The following RBMS3 variants were observed in gnomAD, a reference collection of about 807,000 sequenced individuals.
RBMS3 encodes the protein RNA binding motif single stranded interacting protein 3, also known as RNA-binding motif, single-stranded-interacting protein 3.
Under a neutral mutation model 66.8 loss-of-function variants are expected in RBMS3, and 27 were observed. The observed-to-expected ratio is 0.40, with a 90% confidence interval of 0.30 to 0.56. RBMS3 has a LOEUF of 0.56. Among genes scored for constraint, RBMS3 ranks in the 20% least tolerant of loss-of-function variants. The pLI is 0.40. For synonymous variants in RBMS3, 188 were observed against 183.0 expected (o/e 1.03, Z -0.22); for missense variants, 513 against 549.5 (o/e 0.93, Z 0.66).
intron 6 of RBMS3, among the ~76,000 whole-genome samples, chr3:29,798,315 G>A (rs1268773782): frequency 3.1e-5 from 3 of 95,554 alleles, no homozygotes; most frequent in African/African-American, 1.3e-4. Flanking sequence ...GGAAGGGAGG[G>A]GAAGGGAAGG....
chr3:29,737,831 AGTGTGTGTGTGTGT>A lies in RBMS3; in HGVS notation c.400-1864_400-1851del, dbSNP rs3070725. Among the ~76,000 whole-genome samples the A allele has an allele frequency of 2.4e-3, 346 of 145,854 alleles. 1 individual carries two copies. The highest frequency in any genetic ancestry group is 3.5e-3 in the Middle Eastern group (1 of 288). ...TTGATGATGGTGGTGGTGATAGTGGAGTGTGTGTGTGTGTGTGTGTGTGTGTGTGTGTGTGTGTT... is the reference window on the plus strand; with the variant it reads ...TTGATGATGGTGGTGGTGATAGTGGAGTGTGTGTGTGTGTGTGTGTGTGTT... On this transcript the variant is annotated intron_variant, in intron 4 of 14. Coordinates refer to ENST00000383767, the MANE Select transcript of RBMS3 (RefSeq NM_001003793.3).
chr3:29,459,340 A>C (rs1028495352), intron 2 of RBMS3, among the ~76,000 whole-genome samples: 1 of 152,228 alleles, frequency 6.6e-6, no homozygotes, highest in African/African-American at 2.4e-5. Context: ...CTCATCATGT[A>C]GAGCTTGACT....
At chr3:29,720,616 A>AT (rs1474728973) in intron 4 of RBMS3, among the ~76,000 whole-genome samples, 3 of 151,638 alleles carry the variant, frequency 2.0e-5, no homozygotes, top group South Asian at 2.1e-4. Flanking sequence ...AATCTCTGGC[A>AT]TTTTTTTGTT....
At chr3:29,446,948 C>G (rs1415724533) in intron 2 of RBMS3, among the ~76,000 whole-genome samples, 2 of 111,026 alleles carry the variant, frequency 1.8e-5, no homozygotes, top group Non-Finnish European at 3.4e-5. Flanking sequence ...GAGTATCACT[C>G]TTGTTGCCCA....
chr3:29,838,856 AT>A (rs2058594563), intron 6 of RBMS3, among the ~76,000 whole-genome samples: 2 of 152,164 alleles, frequency 1.3e-5, no homozygotes, highest in South Asian at 4.1e-4. Flanking sequence ...AAACAGGTTG[AT>A]AAATTCTGTG....
Position 29,988,211 on chromosome 3 carries a change from T to A in RBMS3, c.1167T>A (p.Ala389=), listed in dbSNP as rs755049670. The change falls in exon 13 of 15, where the codon GCT becomes GCA. Residue 389 remains alanine (A), a synonymous_variant. Coordinates refer to ENST00000383767, the MANE Select transcript of RBMS3 (RefSeq NM_001003793.3). The part of the protein sequence containing the change: ...IPQYTPVPPT[A]VSIEGVVADT... ...AGTACACGCCTGTGCCTCCGACAGC[T>A]GTTTCTATTGAAGTAAGTCTACCCC... is the stretch of plus-strand genomic sequence containing the variant. The A allele has an allele frequency of 5.0e-6, 8 of 1,609,664 alleles. No homozygotes were observed. The highest frequency in any genetic ancestry group is 1.7e-5 in the Admixed American group (1 of 59,990).
chr3:29,531,625 G>A (rs927423988), intron 3 of RBMS3, among the ~76,000 whole-genome samples: 4 of 152,170 alleles, frequency 2.6e-5, no homozygotes, highest in East Asian at 3.9e-4. Context: ...TGTTTGCGGC[G>A]TCTGATGTTT....
chr3:29,688,463 G>C (rs2051830539), intron 4 of RBMS3, among the ~76,000 whole-genome samples: 1 of 151,640 alleles, frequency 6.6e-6, no homozygotes, highest in African/African-American at 2.4e-5. Flanking sequence ...TTCTGGAAGA[G>C]GGTAGATCCC....
chr3:29,863,295 C>T (rs2059264548), intron 6 of RBMS3, among the ~76,000 whole-genome samples: 1 of 150,740 alleles, frequency 6.6e-6, no homozygotes, highest in African/African-American at 2.5e-5. Context: ...TGCAGCACAC[C>T]AACATGGCAC....
At chr3:29,505,865 T>C (rs2044164022) in intron 3 of RBMS3, among the ~76,000 whole-genome samples, 1 of 151,818 alleles carries the variant, frequency 6.6e-6, no homozygotes. Context: ...AAAAATTGCA[T>C]TTTTGGCTAT....
At chr3:29,543,515 C>A (rs1259156696) in intron 3 of RBMS3, among the ~76,000 whole-genome samples, 2 of 152,074 alleles carry the variant, frequency 1.3e-5, no homozygotes, top group Admixed American at 6.5e-5. Flanking sequence ...TCCAGACCAG[C>A]CTGGGCAACA....
intron 6 of RBMS3, among the ~76,000 whole-genome samples, chr3:29,861,557 C>G (rs1182364306): frequency 6.6e-6 from 1 of 152,172 alleles, no homozygotes; most frequent in East Asian, 1.9e-4. Flanking sequence ...ATGTCAATAT[C>G]TTCTCATCAA....
chr3:29,648,641 G>A (rs1260996761), intron 4 of RBMS3, among the ~76,000 whole-genome samples: 1 of 151,942 alleles, frequency 6.6e-6, no homozygotes, highest in Non-Finnish European at 1.5e-5. Flanking sequence ...AGGAAAGCAA[G>A]GAGATTCTTG....
At chr3:29,748,801 C>A (rs2149362472) in intron 5 of RBMS3, among the ~76,000 whole-genome samples, 1 of 152,326 alleles carries the variant, frequency 6.6e-6, no homozygotes. Flanking sequence ...AGCATTTTGA[C>A]TCCTTAGTCC....
intron 2 of RBMS3, among the ~76,000 whole-genome samples, chr3:29,436,748 C>T (rs528362322): frequency 4.3e-4 from 66 of 152,288 alleles, no homozygotes; most frequent in Admixed American, 4.3e-3. Context: ...ACTTGTAGAG[C>T]CTGTTGACAC....
chr3:29,878,912 A>G (rs914057069), intron 7 of RBMS3, among the ~76,000 whole-genome samples: 23 of 152,044 alleles, frequency 1.5e-4, no homozygotes, highest in African/African-American at 1.4e-4. Context: ...GCTGGGCTTA[A>G]TGGTGCACAC....
At chr3:29,986,630 A>G (rs535561451) in intron 12 of RBMS3, among the ~76,000 whole-genome samples, 2 of 152,192 alleles carry the variant, frequency 1.3e-5, no homozygotes, top group African/African-American at 2.4e-5. Context: ...AACATACTCT[A>G]TAGAGTAATC....
intron 6 of RBMS3, among the ~76,000 whole-genome samples, chr3:29,799,081 A>T (rs577836059): frequency 8.5e-5 from 13 of 152,228 alleles, no homozygotes; most frequent in African/African-American, 3.1e-4. Flanking sequence ...TTTACCAGTG[A>T]GAGCAGCCAA....
intron 1 of RBMS3, among the ~76,000 whole-genome samples, chr3:29,416,546 T>A (rs1393967961): frequency 6.6e-6 from 1 of 152,168 alleles, no homozygotes; most frequent in African/African-American, 2.4e-5. Flanking sequence ...TTGCATTTTT[T>A]TTTTCCTTGC....
Sources: allele counts gnomAD v4.1 joint callset (sites outside exome capture counted in the v4.1 genomes callset), GRCh38; gene constraint gnomAD v4.1.1; transcripts MANE v1.5; gene names NCBI Gene and HGNC (gene_info 2026-07-23, HGNC 2026-07-21).